ERC2: variants seen among roughly 807,000 people sequenced by gnomAD.
ERC2 encodes the protein ERC protein 2.
In ERC2, 42 loss-of-function variants were observed where a neutral mutation model predicts 114.8. That is an observed-to-expected ratio of 0.37 (90% confidence interval 0.29 to 0.47). The LOEUF is 0.47. Among genes scored for constraint, ERC2 ranks in the 20% least tolerant of loss-of-function variants. ERC2 has a pLI of 0.99. For synonymous variants in ERC2, 454 were observed against 425.5 expected (o/e 1.07, Z -0.82); for missense variants, 939 against 1,150.7 (o/e 0.82, Z 2.66).
intron 17 of ERC2, among the ~76,000 whole-genome samples, chr3:55,660,661 A>G (rs896211731): frequency 2.0e-5 from 3 of 152,200 alleles, no homozygotes; most frequent in African/African-American, 7.2e-5. Flanking sequence ...TTGTATATGG[A>G]AACATATTAG....
intron 1 of ERC2, among the ~76,000 whole-genome samples, chr3:56,437,155 A>G (rs752802131): frequency 6.6e-6 from 1 of 152,118 alleles, no homozygotes; most frequent in African/African-American, 2.4e-5. Context: ...ACATGTGTTT[A>G]CTCTCTTGCT....
rs115924106 is a variant in ERC2 at position 55,608,310 on chromosome 3, C to T, written c.*39+75484G>A. Among the ~76,000 whole-genome samples, 1,211 of 152,308 alleles carry T rather than the reference C, an allele frequency of 8.0e-3. 8 individuals are homozygous for T. Among genetic ancestry groups the T allele is most frequent in the Middle Eastern group, 0.02 (6 of 294 alleles). On this transcript the variant is annotated intron_variant, in intron 17 of 17. Transcript: ENST00000288221. ...AGGATAGCTTCTTAACCTATGACAA[C>T]ACAAATTTGTTTAGGTTTTCCCTCC...
At chr3:55,599,905 A>C (rs1365677582) in intron 17 of ERC2, among the ~76,000 whole-genome samples, 2 of 152,230 alleles carry the variant, frequency 1.3e-5, no homozygotes, top group Non-Finnish European at 2.9e-5. Context: ...ATAACCTTTG[A>C]CAAATCATAT....
intron 14 of ERC2, among the ~76,000 whole-genome samples, chr3:55,789,406 T>C (rs4566506): frequency 0.081 from 12,277 of 152,210 alleles, 751 homozygotes; most frequent in African/African-American, 0.17. Flanking sequence ...TGCTTGCTAC[T>C]ACTCCATGAG....
chr3:55,961,200 T>C (rs556099004), intron 12 of ERC2, among the ~76,000 whole-genome samples: 2 of 152,296 alleles, frequency 1.3e-5, no homozygotes, highest in African/African-American at 4.8e-5. Context: ...TATCTCACCC[T>C]ACTCCCCCAA....
chr3:56,420,859 C>A (rs9826041), intron 2 of ERC2, among the ~76,000 whole-genome samples: 1 of 149,990 alleles, frequency 6.7e-6, no homozygotes, highest in East Asian at 2.0e-4. Context: ...ATCGCCCCAC[C>A]GCACTCCAGC....
Position 56,112,088 on chromosome 3 carries a change from G to A in ERC2, c.1473+27421C>T, listed in dbSNP as rs76761527. 5.0e-3 allele frequency among the ~76,000 whole-genome samples: 758 copies of A among 152,260 alleles called. 7 individuals carry two copies. Among genetic ancestry groups the A allele is most frequent in the African/African-American group, 0.017 (711 of 41,564 alleles). On this transcript the variant is annotated intron_variant, in intron 6 of 17. Transcript: ENST00000288221. ...CTTTCTAGTATGCTGCAAGGCAAATGCTTTTTAGATGTTTTGCATTTTTAT... is the reference window on the plus strand; with the variant it reads ...CTTTCTAGTATGCTGCAAGGCAAATACTTTTTAGATGTTTTGCATTTTTAT...
intron 9 of ERC2, among the ~76,000 whole-genome samples, chr3:56,008,310 C>T (rs960306718): frequency 6.6e-6 from 1 of 152,084 alleles, no homozygotes; most frequent in Non-Finnish European, 1.5e-5. Context: ...GCTTCTAAAG[C>T]CCTCTGGGGA....
intron 2 of ERC2, among the ~76,000 whole-genome samples, chr3:56,360,082 TGAGAC>T (rs2058892992): frequency 6.7e-6 from 1 of 148,984 alleles, no homozygotes. Context: ...TTTTTTTTTT[TGAGAC>T]GGAGTCTCGT....
chr3:56,307,839 CA>C (rs2150385192), intron 2 of ERC2, among the ~76,000 whole-genome samples: 1 of 149,070 alleles, frequency 6.7e-6, no homozygotes, highest in South Asian at 2.1e-4. Flanking sequence ...CACACACACA[CA>C]CACACACACA....
intron 2 of ERC2, among the ~76,000 whole-genome samples, chr3:56,361,049 GGA>G (rs759772145): frequency 6.6e-5 from 10 of 152,180 alleles, no homozygotes; most frequent in Non-Finnish European, 1.2e-4. Flanking sequence ...TGGTAAGGTG[GGA>G]GATACGTAAC....
chr3:55,991,967 G>A, intron 11 of ERC2, 90 bp downstream of exon 11: 8 of 1,126,686 alleles, frequency 7.1e-6, no homozygotes, highest in Admixed American at 4.1e-5. Context: ...TAATATGAAT[G>A]TACAGTCCAA....
Position 55,741,587 on chromosome 3 carries a change from CT to C in ERC2, c.2565-6670del, listed in dbSNP as rs532482104. Among the ~76,000 whole-genome samples the C allele has an allele frequency of 4.4e-3, 675 of 152,196 alleles. 7 individuals carry two copies. The highest frequency in any genetic ancestry group is 0.016 in the African/African-American group (653 of 41,548). ...ATCATGTTCAATCTATCCCTTTTGC[CT>C]TTTTACAGACAACACGGAAAGTACA... is the stretch of plus-strand genomic sequence containing the variant. On this transcript the variant is annotated intron_variant, in intron 14 of 17. Coordinates refer to ENST00000288221, the MANE Select transcript of ERC2 (RefSeq NM_015576.3).
intron 17 of ERC2, among the ~76,000 whole-genome samples, chr3:55,671,915 G>T (rs765366634): frequency 2.6e-5 from 4 of 152,182 alleles, no homozygotes; most frequent in Non-Finnish European, 4.4e-5. Flanking sequence ...CTGTCTCTCT[G>T]GAGTGTGACA....
At chr3:55,933,558 T>A (rs374257358) in intron 13 of ERC2, among the ~76,000 whole-genome samples, 1 of 152,232 alleles carries the variant, frequency 6.6e-6, no homozygotes, top group Admixed American at 6.5e-5. Flanking sequence ...GCAGCCTATA[T>A]GTGCAGGGCT....
Position 55,551,433 on chromosome 3 carries a change from G to C in ERC2, c.*40-40157C>G, listed in dbSNP as rs748205490. Among the ~76,000 whole-genome samples the C allele has an allele frequency of 3.8e-4, 58 of 152,160 alleles. 1 individual carries two copies. Among genetic ancestry groups the C allele is most frequent in the Non-Finnish European group, 6.2e-4 (42 of 68,028 alleles). On this transcript the variant is annotated intron_variant, in intron 17 of 17. Transcript: ENST00000288221. ...AGCTACTCGGGAGGCTAAGCCAGGA[G>C]AATTGGTTGAACCCAGAAGATGGAG...
intron 2 of ERC2, among the ~76,000 whole-genome samples, chr3:56,310,924 T>C (rs1245215919): frequency 6.6e-6 from 1 of 151,924 alleles, no homozygotes; most frequent in African/African-American, 2.4e-5. Context: ...TTTAAGATTA[T>C]TTGGTAATGG....
intron 3 of ERC2, among the ~76,000 whole-genome samples, chr3:56,250,468 G>C (rs1171366465): frequency 6.6e-6 from 1 of 152,138 alleles, no homozygotes; most frequent in Admixed American, 6.6e-5. Flanking sequence ...ATCTAAGAGG[G>C]CTTACAAATA....
intron 14 of ERC2, among the ~76,000 whole-genome samples, chr3:55,832,388 C>T (rs1010711071): frequency 2.0e-5 from 3 of 152,124 alleles, no homozygotes; most frequent in African/African-American, 7.2e-5. Context: ...TTCACACGGC[C>T]GGGTACTCCT....
Sources: allele counts gnomAD v4.1 joint callset (sites outside exome capture counted in the v4.1 genomes callset), GRCh38; gene constraint gnomAD v4.1.1; transcripts MANE v1.5; gene names NCBI Gene and HGNC (gene_info 2026-07-23, HGNC 2026-07-21).